MAPK4: variants seen among roughly 807,000 people sequenced by gnomAD.
MAPK4 encodes mitogen-activated protein kinase 4, also known as Erk3-related.
Under a neutral mutation model 47.7 loss-of-function variants are expected in MAPK4, and 22 were observed. That is an observed-to-expected ratio of 0.46 (90% CI 0.33 to 0.66). The LOEUF is 0.66. MAPK4 is among the 30% of genes least tolerant of loss of function. The probability of loss-of-function intolerance (pLI) is 0.02; values close to 1 mark genes in which losing one functional copy is unlikely to be tolerated. For synonymous variants in MAPK4, 390 were observed against 365.7 expected, an observed-to-expected ratio of 1.07 and a Z score of -0.76; for missense variants, 736 against 831.7, an observed-to-expected ratio of 0.88 and a Z score of 1.42.
chr18:50,608,708 T>A (rs1271455921), intron 1 of MAPK4, among the ~76,000 whole-genome samples: 2 of 151,976 alleles, frequency 1.3e-5, no homozygotes, highest in African/African-American at 2.4e-5. Flanking sequence ...TTCTTTTTTT[T>A]ATTTTATTTT....
intron 1 of MAPK4, among the ~76,000 whole-genome samples, chr18:50,649,469 C>G (rs1257842468): frequency 1.3e-5 from 2 of 152,156 alleles, no homozygotes; most frequent in East Asian, 1.9e-4. Flanking sequence ...AACATCCTCA[C>G]TTGGTTTCCT....
intron 4 of MAPK4, among the ~76,000 whole-genome samples, chr18:50,723,158 C>A (rs1911019565): frequency 6.6e-6 from 1 of 152,160 alleles, no homozygotes. Flanking sequence ...CATGGATGGG[C>A]AGGGGAGGAT....
intron 1 of MAPK4, among the ~76,000 whole-genome samples, chr18:50,628,961 ATTTCT>A (rs971223945): frequency 8.5e-5 from 13 of 152,226 alleles, no homozygotes; most frequent in Non-Finnish European, 1.6e-4. Context: ...GGAGAAAAGT[ATTTCT>A]TTTCTTTGTC....
Position 50,560,090 on chromosome 18 carries a change from G to T in MAPK4, c.-1024G>T, listed in dbSNP as rs534241700. The T allele has an allele frequency of 9.4e-5, 14 of 148,156 alleles. No individual in the cohort carries two copies. The highest frequency in any genetic ancestry group is 7.4e-4 in the Admixed American group (11 of 14,862). The allele number at this position is 148,156 out of a possible 1,614,324, so 9.2% of individuals were successfully genotyped here. A position where few individuals can be genotyped will look rare whatever the true frequency, so the allele number is the denominator to read the frequency against. The stretch of plus-strand genomic sequence containing the variant: ...GGCCGGGGCCGGGGCGGGAGCCGGA[G>T]CCCGAGCTGGAGCAGCGAGCCGGGC... On this transcript the variant is annotated 5_prime_UTR_variant, in exon 1 of 6. Coordinates refer to ENST00000400384, the MANE Select transcript of MAPK4 (RefSeq NM_002747.4).
At chr18:50,630,563 G>A (rs2042819681) in intron 1 of MAPK4, among the ~76,000 whole-genome samples, 1 of 152,140 alleles carries the variant, frequency 6.6e-6, no homozygotes, top group African/African-American at 2.4e-5. Flanking sequence ...CAGGATATAG[G>A]TGCTGACCTG....
chr18:50,696,312 G>A (rs903630843), intron 2 of MAPK4, among the ~76,000 whole-genome samples: 3 of 152,198 alleles, frequency 2.0e-5, no homozygotes, highest in Non-Finnish European at 4.4e-5. Context: ...TTTATGGTTT[G>A]TATTGCTTTT....
At chr18:50,679,149 G>A (rs1459953662) in intron 2 of MAPK4, among the ~76,000 whole-genome samples, 2 of 152,174 alleles carry the variant, frequency 1.3e-5, no homozygotes, top group African/African-American at 4.8e-5. Context: ...AATGGCCTGC[G>A]TGGCCTGGTT....
intron 2 of MAPK4, among the ~76,000 whole-genome samples, chr18:50,668,810 C>G (rs577653217): frequency 1.3e-5 from 2 of 152,338 alleles, no homozygotes; most frequent in South Asian, 4.1e-4. Flanking sequence ...GGGAAGGAGA[C>G]TCGCTCAAGG....
At chr18:50,614,723 G>A (rs747798685) in intron 1 of MAPK4, among the ~76,000 whole-genome samples, 5 of 152,084 alleles carry the variant, frequency 3.3e-5, no homozygotes, top group African/African-American at 7.2e-5. Context: ...TAAAGGTTAC[G>A]AATTGTTTAA....
chr18:50,611,676 G>C (rs750730089), intron 1 of MAPK4, among the ~76,000 whole-genome samples: 1 of 152,194 alleles, frequency 6.6e-6, no homozygotes, highest in Non-Finnish European at 1.5e-5. Flanking sequence ...ATTTAATGAC[G>C]TAGCGTTTGA....
chr18:50,655,868 G>A (rs147503473), intron 1 of MAPK4, among the ~76,000 whole-genome samples: 5 of 152,298 alleles, frequency 3.3e-5, no homozygotes, highest in Non-Finnish European at 7.4e-5. Context: ...CATGTGGGTT[G>A]TACTGTGTCA....
chr18:50,576,511 G>A (rs2042298520), intron 1 of MAPK4, among the ~76,000 whole-genome samples: 1 of 152,068 alleles, frequency 6.6e-6, no homozygotes, highest in South Asian at 2.1e-4. Flanking sequence ...AGAGGATGAG[G>A]ATCCAAAAAT....
intron 1 of MAPK4, among the ~76,000 whole-genome samples, chr18:50,645,001 G>A (rs551050580): frequency 1.3e-5 from 2 of 152,332 alleles, no homozygotes; most frequent in African/African-American, 4.8e-5. Flanking sequence ...ATGGGATGGG[G>A]ATTTGCAGGC....
chr18:50,671,524 A>G (rs1907948110), intron 2 of MAPK4, among the ~76,000 whole-genome samples: 1 of 152,188 alleles, frequency 6.6e-6, no homozygotes, highest in Non-Finnish European at 1.5e-5. Flanking sequence ...AAAGAGGTAC[A>G]TGATGTCAAA....
intron 2 of MAPK4, among the ~76,000 whole-genome samples, chr18:50,711,577 C>T (rs1335755683): frequency 9.9e-5 from 15 of 152,228 alleles, no homozygotes; most frequent in African/African-American, 7.2e-5. Flanking sequence ...CCCACTTGTG[C>T]GCCAAGTGTG....
chr18:50,691,545 C>G (rs2144350090), intron 2 of MAPK4, among the ~76,000 whole-genome samples: 1 of 152,284 alleles, frequency 6.6e-6, no homozygotes, highest in South Asian at 2.1e-4. Flanking sequence ...AATCCTGAGG[C>G]ATATTGTGTA....
At chr18:50,723,505 A>T (rs1036567974) in intron 4 of MAPK4, among the ~76,000 whole-genome samples, 1 of 152,166 alleles carries the variant, frequency 6.6e-6, no homozygotes, top group African/African-American at 2.4e-5. Context: ...CTTTGGGGAA[A>T]CCACTGAAGG....
At chr18:50,697,575 T>G (rs1909580982) in intron 2 of MAPK4, among the ~76,000 whole-genome samples, 1 of 152,164 alleles carries the variant, frequency 6.6e-6, no homozygotes, top group Admixed American at 6.5e-5. Flanking sequence ...TTGACTGAAA[T>G]CACTATAACA....
intron 3 of MAPK4, among the ~76,000 whole-genome samples, chr18:50,719,896 G>T (rs1456602804): frequency 6.6e-6 from 1 of 152,220 alleles, no homozygotes; most frequent in African/African-American, 2.4e-5. Context: ...GGAGGGGTCA[G>T]CCAGGGCAGC....
Sources: allele counts gnomAD v4.1 joint callset (sites outside exome capture counted in the v4.1 genomes callset), GRCh38; gene constraint gnomAD v4.1.1; transcripts MANE v1.5; gene names NCBI Gene and HGNC (gene_info 2026-07-23, HGNC 2026-07-21).